GPC6: variants seen among roughly 807,000 people sequenced by gnomAD.
GPC6 encodes glypican 6, also known as glypican-6.
A neutral mutation model predicts 55.2 loss-of-function variants in GPC6; 14 were observed. The ratio of observed to expected loss-of-function variants is 0.25; its 90% confidence interval spans 0.17 to 0.40. GPC6 has a LOEUF of 0.40. GPC6 is among the 10% of genes least tolerant of loss of function. The pLI is 1.00. For synonymous variants in GPC6, 278 were observed against 259.6 expected (o/e 1.07, Z -0.68); for missense variants, 641 against 708.5 (o/e 0.90, Z 1.08).
chr13:93,429,761 A>G (rs75245828), intron 1 of GPC6, among the ~76,000 whole-genome samples: 1,935 of 152,104 alleles, frequency 0.013, 42 homozygotes, highest in African/African-American at 0.044. Flanking sequence ...GTGTTGGGCT[A>G]GGTGATACAT....
At chr13:93,892,064 A>G (rs1002850499) in intron 3 of GPC6, among the ~76,000 whole-genome samples, 8 of 152,134 alleles carry the variant, frequency 5.3e-5, no homozygotes, top group African/African-American at 1.9e-4. Context: ...CATACACACT[A>G]TATATACACA....
At chr13:93,229,703 A>T (rs117615494) in intron 1 of GPC6, among the ~76,000 whole-genome samples, 6,840 of 151,270 alleles carry the variant, frequency 0.045, 212 homozygotes, top group Non-Finnish European at 0.06. Context: ...TGAATTTCTA[A>T]AATGTGTGCA....
chr13:94,149,946 C>T (rs951390756), intron 4 of GPC6, among the ~76,000 whole-genome samples: 6 of 151,878 alleles, frequency 4.0e-5, no homozygotes, highest in African/African-American at 1.5e-4. Flanking sequence ...TCTGGTGTCG[C>T]ATCACTCAGC....
intron 6 of GPC6, among the ~76,000 whole-genome samples, chr13:94,326,910 G>A (rs1333650732): frequency 6.6e-6 from 1 of 152,208 alleles, no homozygotes; most frequent in African/African-American, 2.4e-5. Context: ...CTCCTCCTAT[G>A]AGACAATCTA....
chr13:94,253,889 A>G (rs538436484), intron 4 of GPC6, among the ~76,000 whole-genome samples: 1 of 152,272 alleles, frequency 6.6e-6, no homozygotes, highest in South Asian at 2.1e-4. Flanking sequence ...AGATTGATGT[A>G]TGTACATTCC....
At chr13:93,295,318 A>G (rs941592150) in intron 1 of GPC6, among the ~76,000 whole-genome samples, 20 of 149,600 alleles carry the variant, frequency 1.3e-4, no homozygotes, top group Non-Finnish European at 2.7e-4. Context: ...AAAAAAGAGA[A>G]AAAAGAAAGA....
chr13:94,105,792 G>T (rs977036433), intron 4 of GPC6, among the ~76,000 whole-genome samples: 1 of 152,162 alleles, frequency 6.6e-6, no homozygotes, highest in East Asian at 1.9e-4. Context: ...AATCTTTACC[G>T]GGACAGTTTT....
chr13:93,623,015 T>A (rs1927692), intron 2 of GPC6, among the ~76,000 whole-genome samples: 1,771 of 152,324 alleles, frequency 0.012, 34 homozygotes, highest in African/African-American at 0.041. Flanking sequence ...GTAGTATTTG[T>A]CTTTCTGTGC....
intron 1 of GPC6, among the ~76,000 whole-genome samples, chr13:93,278,237 G>A (rs905142574): frequency 6.6e-6 from 1 of 152,060 alleles, no homozygotes; most frequent in Non-Finnish European, 1.5e-5. Context: ...GAGCTGAATA[G>A]AGATTTTTTT....
rs116435388 is a variant in GPC6, at chr13:93,732,272, A to C, written c.320-97882A>C. ...CAGTTGTTCTCTGGTGGAATAAGAC[A>C]TTTTGTGCATCAGCAAGGATGTTTG... On this transcript the variant is annotated intron_variant, in intron 2 of 8. Transcript: ENST00000377047. 5.6e-3 allele frequency among the ~76,000 whole-genome samples: 850 copies of C among 152,202 alleles called. 2 individuals carry two copies. Among genetic ancestry groups the C allele is most frequent in the Non-Finnish European group, 9.0e-3 (610 of 68,012 alleles).
intron 6 of GPC6, among the ~76,000 whole-genome samples, chr13:94,380,260 T>TATA (rs1880101369): frequency 6.6e-6 from 1 of 152,218 alleles, no homozygotes; most frequent in Non-Finnish European, 1.5e-5. Context: ...CGTGGTCATT[T>TATA]TCTGAACCAG....
intron 1 of GPC6, among the ~76,000 whole-genome samples, chr13:93,470,366 A>G (rs1270062486): frequency 6.6e-6 from 1 of 152,154 alleles, no homozygotes; most frequent in Non-Finnish European, 1.5e-5. Flanking sequence ...TTTCTGCATC[A>G]GTTGGTAAAA....
At chr13:94,191,432 G>A (rs1889390449) in intron 4 of GPC6, among the ~76,000 whole-genome samples, 1 of 152,160 alleles carries the variant, frequency 6.6e-6, no homozygotes, top group Non-Finnish European at 1.5e-5. Flanking sequence ...CATTGGCAAG[G>A]TGTGGAATAA....
At chr13:93,816,032 TAC>T (rs779846420) in intron 2 of GPC6, among the ~76,000 whole-genome samples, 7 of 152,166 alleles carry the variant, frequency 4.6e-5, no homozygotes, top group Non-Finnish European at 1.0e-4. Context: ...TTTATAGAAT[TAC>T]ACAGTTTATC....
At chr13:93,467,868 G>A (rs1175624780) in intron 1 of GPC6, among the ~76,000 whole-genome samples, 2 of 152,092 alleles carry the variant, frequency 1.3e-5, no homozygotes, top group Admixed American at 6.5e-5. Flanking sequence ...TGAGATTACA[G>A]GTGTGAGCCA....
At chr13:93,295,460 C>G (rs115751106) in intron 1 of GPC6, among the ~76,000 whole-genome samples, 3,642 of 151,844 alleles carry the variant, frequency 0.024, 117 homozygotes, top group African/African-American at 0.073. Flanking sequence ...CTGTCTGTCT[C>G]TGTGGTTTTT....
intron 6 of GPC6, among the ~76,000 whole-genome samples, chr13:94,310,614 C>T (rs1332511618): frequency 6.6e-6 from 1 of 152,134 alleles, no homozygotes; most frequent in Non-Finnish European, 1.5e-5. Flanking sequence ...TGTCTTTGTA[C>T]AGTCATTCCG....
chr13:93,877,639 T>G (rs576919373), intron 3 of GPC6, among the ~76,000 whole-genome samples: 1 of 152,214 alleles, frequency 6.6e-6, no homozygotes, highest in South Asian at 2.1e-4. Flanking sequence ...TTAGTCTGTA[T>G]AAATCAACAA....
chr13:94,106,353 A>G (rs970235762), intron 4 of GPC6, among the ~76,000 whole-genome samples: 1 of 152,212 alleles, frequency 6.6e-6, no homozygotes, highest in Non-Finnish European at 1.5e-5. Flanking sequence ...TTTTTGAAAA[A>G]GTTTCTCTAC....
Sources: allele counts gnomAD v4.1 joint callset (sites outside exome capture counted in the v4.1 genomes callset), GRCh38; gene constraint gnomAD v4.1.1; transcripts MANE v1.5; gene names NCBI Gene and HGNC (gene_info 2026-07-23, HGNC 2026-07-21).